RMDN3: variants seen among roughly 807,000 people sequenced by gnomAD.
RMDN3 encodes regulator of microtubule dynamics protein 3.
In RMDN3, 41 loss-of-function variants were observed where a neutral mutation model predicts 61.8. The observed-to-expected ratio is 0.66, with a 90% CI of 0.52 to 0.86. RMDN3 has a LOEUF of 0.86. Among genes scored for constraint, RMDN3 ranks in the 40% least tolerant of loss-of-function variants. RMDN3 has a pLI of 0.00. For missense variants in RMDN3, 557 were observed against 585.3 expected, an observed-to-expected ratio of 0.95 and a Z score of 0.50; for synonymous variants, 247 against 232.0, an observed-to-expected ratio of 1.06 and a Z score of -0.59.
chr15:40,745,223 C>T lies in RMDN3; in HGVS notation c.561G>A (p.Arg187=). 1 of 1,613,964 alleles carries T rather than the reference C, an allele frequency of 6.2e-7. No individual in the cohort carries two copies. Among genetic ancestry groups the T allele is most frequent in the Non-Finnish European group, 8.5e-7 (1 of 1,179,994 alleles). The stretch of plus-strand genomic sequence containing the variant: ...CGTCCTCACTTTCTTTGTCAGAGTC[C>T]CGCTCATTGTCAGACTCCGCATTGG... ...TTANAESDNE[R]DSDKESEDGE... Residue 187 remains arginine (R), a synonymous_variant, in exon 5 of 13, where the codon CGG becomes CGA. Coordinates refer to ENST00000338376, the MANE Select transcript of RMDN3 (RefSeq NM_018145.3).
intron 4 of RMDN3, chr15:40,747,666 G>A (rs894539003): frequency 2.3e-5 from 3 of 130,144 alleles, no homozygotes; most frequent in Non-Finnish European, 5.0e-5. Flanking sequence ...GACGAGCAGG[G>A]ACCTTTGAAA....
chr15:40,744,162 C>T lies in RMDN3; in HGVS notation c.808-13G>A, dbSNP rs1555431114. ...GCCGGCTTCCATACTGCAGACCAGA[C>T]AGAAACGGGTGAGGCCCCTTTTTCC... is the stretch of plus-strand genomic sequence containing the variant. On this transcript the variant is annotated splice_polypyrimidine_tract_variant and intron_variant, in intron 5 of 12. Coordinates refer to ENST00000338376, the MANE Select transcript of RMDN3 (RefSeq NM_018145.3). 3 of 1,612,428 alleles carry T rather than the reference C, an allele frequency of 1.9e-6. No homozygotes were observed. Among genetic ancestry groups the T allele is most frequent in the Non-Finnish European group, 1.7e-6 (2 of 1,179,704 alleles).
chr15:40,746,324 G>A (rs909105097), intron 4 of RMDN3, among the ~76,000 whole-genome samples: 1 of 152,040 alleles, frequency 6.6e-6, no homozygotes, highest in South Asian at 2.1e-4. Context: ...GACCATCCTG[G>A]CTAACACGGT....
intron 4 of RMDN3, among the ~76,000 whole-genome samples, chr15:40,745,539 T>A (rs961778174): frequency 5.3e-5 from 8 of 151,694 alleles, no homozygotes; most frequent in Non-Finnish European, 1.0e-4. Flanking sequence ...AATTTTTTTG[T>A]ATTTTTAGTA....
chr15:40,751,351 AATTTTCCATTGATAAT>A (rs1393786502), intron 4 of RMDN3, 59 bp downstream of exon 4: 5 of 1,553,108 alleles, frequency 3.2e-6, no homozygotes, highest in Non-Finnish European at 4.4e-6. Context: ...GCTTGGTTTG[AATTTTCCATTGATAAT>A]ACTTTTACAA....
intron 4 of RMDN3, among the ~76,000 whole-genome samples, chr15:40,748,820 G>A (rs943475415): frequency 1.3e-5 from 2 of 151,504 alleles, no homozygotes; most frequent in African/African-American, 2.4e-5. Flanking sequence ...GGCTGGTCTC[G>A]AACTCCTGAC....
intron 8 of RMDN3, 119 bp downstream of exon 8, chr15:40,738,382 A>AG: frequency 1.2e-6 from 1 of 806,006 alleles, no homozygotes; most frequent in Non-Finnish European, 1.9e-6. Flanking sequence ...ACTCTGTCTC[A>AG]AAAAAAAAGA....
intron 3 of RMDN3, 133 bp from the exon 4 acceptor site, chr15:40,751,702 C>T (rs1251894679): frequency 5.1e-6 from 7 of 1,376,612 alleles, no homozygotes; most frequent in Non-Finnish European, 7.1e-6. Context: ...AGTCTCTAAC[C>T]CTCAGGAGGG....
intron 4 of RMDN3, 60 bp from the exon 5 acceptor site, chr15:40,745,319 G>A (rs78037363): frequency 2.6e-6 from 4 of 1,541,602 alleles, no homozygotes; most frequent in Non-Finnish European, 2.6e-6. Context: ...CCTAGGGTCT[G>A]TCTATCCCTC....
At position 40,736,156 on chromosome 15, in the gene RMDN3, T is replaced by TTAGTCAGTGAAAAAGATTA; in HGVS notation, c.*366_*384dup. The TTAGTCAGTGAAAAAGATTA allele has an allele frequency of 5.0e-6, 1 of 201,086 alleles. No homozygotes were observed. The highest frequency in any genetic ancestry group is 1.3e-4 in the South Asian group (1 of 7,826). The allele number at this position is 201,086 out of a possible 1,614,324, so 12.5% of individuals were successfully genotyped here. A position where few individuals can be genotyped will look rare whatever the true frequency, so the allele number is the denominator to read the frequency against. On this transcript the variant is annotated 3_prime_UTR_variant, in exon 13 of 13. Transcript: ENST00000338376. ...TTAAGACTATATGTACTGAGTCCTATTAGTCAGTGAAAAAGATTAAAGTGA... is the reference window on the plus strand; with the variant it reads ...TTAAGACTATATGTACTGAGTCCTATTAGTCAGTGAAAAAGATTATAGTCAGTGAAAAAGATTAAAGTGA...
rs369955059 is a variant in RMDN3 at position 40,740,116 on chromosome 15, C to A, written c.971+17G>T. On this transcript the variant is annotated intron_variant, in intron 7 of 12. Transcript: ENST00000338376. ...GCCCTTGCTGGCTCTTCCCAGAACA[C>A]TGCAGGGTGTTATTACCACAGGTGA... 1 of 1,576,324 alleles carries A rather than the reference C, an allele frequency of 6.3e-7. No homozygotes were observed. The highest frequency in any genetic ancestry group is 1.7e-5 in the Admixed American group (1 of 59,588).
chr15:40,754,882 C>G (rs1271360146), intron 1 of RMDN3, 92 bp from the exon 2 acceptor site: 1 of 1,132,920 alleles, frequency 8.8e-7, no homozygotes, highest in Non-Finnish European at 1.2e-6. Flanking sequence ...TAAACCCACC[C>G]TCAAGGCTGA....
Position 40,744,337 on chromosome 15 carries a change from C to T in RMDN3, c.808-188G>A, listed in dbSNP as rs1268209181. Reference sequence around the variant, plus strand: ...TCCCACGTGCAGTTAATGTATGACACATTCTCTGTCTAGCCAGTAGCTTGC... The same window carrying T: ...TCCCACGTGCAGTTAATGTATGACATATTCTCTGTCTAGCCAGTAGCTTGC... On this transcript the variant is annotated intron_variant, in intron 5 of 12. Coordinates refer to ENST00000338376, the MANE Select transcript of RMDN3 (RefSeq NM_018145.3). The T allele has an allele frequency of 6.4e-5, 37 of 580,530 alleles. No homozygotes were observed. In the Admixed American group the frequency reaches 1.0e-3, roughly 16 times the overall value. 36.0% of individuals were successfully genotyped at this position (580,530 alleles called of 1,614,324 possible).
At chr15:40,748,704 A>G (rs1251068717) in intron 4 of RMDN3, among the ~76,000 whole-genome samples, 1 of 151,954 alleles carries the variant, frequency 6.6e-6, no homozygotes, top group East Asian at 1.9e-4. Context: ...GGTTCAAGTG[A>G]TTCTCCTGCC....
chr15:40,754,671 G>C lies in RMDN3; in HGVS notation c.113C>G (p.Thr38Ser). The C allele has an allele frequency of 1.9e-6, 3 of 1,614,154 alleles. No homozygotes were observed. Among genetic ancestry groups the C allele is most frequent in the Non-Finnish European group, 2.5e-6 (3 of 1,180,032 alleles). ...CLLYSQRWKR[T>S]QRHGRSQSLP... Reference sequence around the variant, plus strand: ...GCTCTGGCTGCGGCCATGACGCTGGGTCCGTTTCCATCGCTGGCTGTAAAG... The same window carrying C: ...GCTCTGGCTGCGGCCATGACGCTGGCTCCGTTTCCATCGCTGGCTGTAAAG... The change falls in exon 2 of 13, where the codon ACC (threonine) becomes AGC (serine). Residue 38 changes from threonine (T) to serine (S), a missense_variant. Thr to Ser is a moderately conservative substitution (Grantham distance 58). Transcript: ENST00000338376.
At chr15:40,740,331 G>C in intron 6 of RMDN3, 138 bp from the exon 7 acceptor site, 1 of 696,890 alleles carries the variant, frequency 1.4e-6, no homozygotes, top group Non-Finnish European at 2.6e-6. Flanking sequence ...TTGTGAACTT[G>C]AGCAGAATGA....
chr15:40,748,690 C>G (rs1317235595), intron 4 of RMDN3, among the ~76,000 whole-genome samples: 3 of 152,172 alleles, frequency 2.0e-5, no homozygotes, highest in Admixed American at 1.3e-4. Context: ...AACTCCACCC[C>G]CTGGGTTCAA....
chr15:40,736,682 T>C, intron 12 of RMDN3, 88 bp from the exon 13 acceptor site: 1 of 1,142,984 alleles, frequency 8.7e-7, no homozygotes, highest in Non-Finnish European at 1.3e-6. Flanking sequence ...GGCCCTTTGC[T>C]TCCTTCCTGA....
chr15:40,741,724 G>A (rs2141906969), intron 6 of RMDN3, among the ~76,000 whole-genome samples: 1 of 143,654 alleles, frequency 7.0e-6, no homozygotes, highest in South Asian at 2.2e-4. Flanking sequence ...CCGCCTCCAG[G>A]TTCAAGTGAT....
Sources: allele counts gnomAD v4.1 joint callset (sites outside exome capture counted in the v4.1 genomes callset), GRCh38; gene constraint gnomAD v4.1.1; transcripts MANE v1.5; gene names NCBI Gene and HGNC (gene_info 2026-07-23, HGNC 2026-07-21).